Variants in SOX6 observed in about 807,000 individuals in gnomAD.
The protein encoded by SOX6 is SRY-box transcription factor 6, also known as transcription factor SOX-6.
A neutral mutation model predicts 97.8 loss-of-function variants in SOX6; 11 were observed. The observed-to-expected ratio is 0.11, with a 90% confidence interval of 0.07 to 0.19. SOX6 has a LOEUF of 0.19. Among genes scored for constraint, SOX6 ranks in the 10% least tolerant of loss-of-function variants. The pLI, the probability that SOX6 is intolerant of heterozygous loss-of-function variation, is 1.00. For synonymous variants in SOX6, 360 were observed against 371.4 expected, an observed-to-expected ratio of 0.97 and a Z score of 0.35; for missense variants, 810 against 1,039.5, an observed-to-expected ratio of 0.78 and a Z score of 3.04.
At chr11:16,311,990 A>G (rs1183665744) in intron 3 of SOX6, 1 of 152,214 alleles carries the variant, frequency 6.6e-6, no homozygotes, top group Non-Finnish European at 1.5e-5. Context: ...AAACAGCTGC[A>G]TAATCCATTG....
chr11:16,331,315 A>G (rs1856289724), intron 2 of SOX6, among the ~76,000 whole-genome samples: 1 of 152,172 alleles, frequency 6.6e-6, no homozygotes, highest in Non-Finnish European at 1.5e-5. Context: ...GGTTTGTCAA[A>G]TCCATTTGTT....
At chr11:16,428,297 G>C (rs541368111) in intron 1 of SOX6, among the ~76,000 whole-genome samples, 1 of 152,136 alleles carries the variant, frequency 6.6e-6, no homozygotes, top group Non-Finnish European at 1.5e-5. Flanking sequence ...TCTGATGGTA[G>C]TTTCTTTTGC....
intron 3 of SOX6, among the ~76,000 whole-genome samples, chr11:16,706,475 T>A (rs71469365): frequency 0.67 from 10,048 of 15,048 alleles, 3,755 homozygotes; most frequent in Non-Finnish European, 0.71. Context: ...AAAAAAAATA[T>A]ATATATATAT....
At chr11:16,240,711 G>A (rs960684782) in intron 3 of SOX6, among the ~76,000 whole-genome samples, 9 of 151,962 alleles carry the variant, frequency 5.9e-5, no homozygotes, top group South Asian at 2.1e-4. Context: ...AACATACAGC[G>A]GATGATTCAG....
intron 3 of SOX6, among the ~76,000 whole-genome samples, chr11:16,303,701 T>C (rs1855334065): frequency 1.3e-5 from 2 of 152,182 alleles, no homozygotes; most frequent in African/African-American, 2.4e-5. Flanking sequence ...ACATACAGAC[T>C]ATTTGGGGGA....
Position 16,208,029 on chromosome 11 carries a change from T to G in SOX6, c.536-21074A>C, listed in dbSNP as rs541098499. On this transcript the variant is annotated intron_variant, in intron 4 of 15. Coordinates refer to ENST00000683767, the MANE Select transcript of SOX6 (RefSeq NM_001367873.1). ...TGCTCAAGGCTAACTAATTAAGTTATTTCTTCCCAACATAAAAGGATTATT... is the reference window on the plus strand; with the variant it reads ...TGCTCAAGGCTAACTAATTAAGTTAGTTCTTCCCAACATAAAAGGATTATT... 2.0e-5 allele frequency among the ~76,000 whole-genome samples: 3 copies of G among 152,332 alleles called. No homozygotes were observed. The East Asian group carries it at 5.8e-4, about 29-fold the overall frequency.
intron 1 of SOX6, among the ~76,000 whole-genome samples, chr11:16,362,239 C>T (rs180705436): frequency 2.6e-5 from 4 of 152,216 alleles, no homozygotes; most frequent in Admixed American, 2.0e-4. Flanking sequence ...ATTGGAATGA[C>T]GGGTTTCATC....
At chr11:16,611,527 G>C (rs533018551) in intron 4 of SOX6, among the ~76,000 whole-genome samples, 59 of 152,350 alleles carry the variant, frequency 3.9e-4, no homozygotes, top group Non-Finnish European at 7.6e-4. Flanking sequence ...TCAGTACGGA[G>C]AAGTTTTAGC....
At chr11:16,404,940 C>A (rs1312237646) in intron 1 of SOX6, among the ~76,000 whole-genome samples, 1 of 151,988 alleles carries the variant, frequency 6.6e-6, no homozygotes, top group East Asian at 1.9e-4. Context: ...CCAATCACAG[C>A]TTTGTGCGTG....
chr11:15,986,535 T>G, intron 14 of SOX6, 115 bp from the exon 15 acceptor site: 4 of 916,350 alleles, frequency 4.4e-6, no homozygotes, highest in Non-Finnish European at 7.0e-6. Flanking sequence ...GTGGCTCCAA[T>G]TCCCACATAC....
chr11:16,340,908 A>T (rs553174692), intron 2 of SOX6, 104 bp downstream of exon 2: 3 of 1,511,778 alleles, frequency 2.0e-6, no homozygotes, highest in Non-Finnish European at 2.7e-6. Flanking sequence ...CATGATCTAC[A>T]CAAAAATAAC....
intron 1 of SOX6, among the ~76,000 whole-genome samples, chr11:16,375,782 C>G (rs1203727285): frequency 6.6e-6 from 1 of 152,064 alleles, no homozygotes; most frequent in African/African-American, 2.4e-5. Flanking sequence ...GGAACCAACC[C>G]AAATGCCCAT....
At chr11:16,337,122 C>A (rs1856485826) in intron 2 of SOX6, among the ~76,000 whole-genome samples, 1 of 152,012 alleles carries the variant, frequency 6.6e-6, no homozygotes, top group Admixed American at 6.6e-5. Flanking sequence ...AGTCCTTGTG[C>A]CTGGAACTTT....
At chr11:16,722,225 T>C (rs1222836105) in intron 2 of SOX6, among the ~76,000 whole-genome samples, 4 of 152,102 alleles carry the variant, frequency 2.6e-5, no homozygotes, top group African/African-American at 7.2e-5. Context: ...ATCAATAGAA[T>C]AAGTAGACAA....
intron 6 of SOX6, among the ~76,000 whole-genome samples, chr11:16,165,198 T>C (rs1850855291): frequency 6.6e-6 from 1 of 152,312 alleles, no homozygotes; most frequent in East Asian, 1.9e-4. Flanking sequence ...ACCCTTGATG[T>C]TGATAGAGCT....
intron 1 of SOX6, among the ~76,000 whole-genome samples, chr11:16,472,508 G>C (rs1860155939): frequency 6.6e-6 from 1 of 152,046 alleles, no homozygotes; most frequent in Admixed American, 6.6e-5. Flanking sequence ...AAAGGCTTAT[G>C]TTTAATCCAA....
intron 6 of SOX6, among the ~76,000 whole-genome samples, chr11:16,181,536 A>G (rs1851346232): frequency 6.8e-6 from 1 of 146,570 alleles, no homozygotes; most frequent in African/African-American, 2.5e-5. Flanking sequence ...CATATTTGAA[A>G]ATATAGTTAC....
intron 1 of SOX6, among the ~76,000 whole-genome samples, chr11:16,352,916 G>C (rs1856986454): frequency 6.6e-6 from 1 of 152,020 alleles, no homozygotes; most frequent in South Asian, 2.1e-4. Context: ...ATTGGTTGAG[G>C]AAGTAGTTAA....
At chr11:16,509,171 T>C (rs1459184084) in intron 4 of SOX6, among the ~76,000 whole-genome samples, 1 of 151,860 alleles carries the variant, frequency 6.6e-6, no homozygotes, top group African/African-American at 2.4e-5. Flanking sequence ...ATTTATTTAA[T>C]TGCATTTATT....
Sources: allele counts gnomAD v4.1 joint callset (sites outside exome capture counted in the v4.1 genomes callset), GRCh38; gene constraint gnomAD v4.1.1; transcripts MANE v1.5; gene names NCBI Gene and HGNC (gene_info 2026-07-23, HGNC 2026-07-21).